MAP3K13: variants seen among roughly 807,000 people sequenced by gnomAD.
MAP3K13 encodes leucine zipper-bearing kinase.
A neutral mutation model predicts 104.0 loss-of-function variants in MAP3K13; 52 were observed. The observed-to-expected ratio is 0.50, with a 90% CI of 0.40 to 0.63. The LOEUF is 0.63. Among genes scored for constraint, MAP3K13 ranks in the 20% least tolerant of loss-of-function variants. MAP3K13 has a pLI of 0.00. For missense variants in MAP3K13, 914 were observed against 1,218.5 expected (o/e 0.75, Z 3.72); for synonymous variants, 394 against 442.2 (o/e 0.89, Z 1.37).
intron 2 of MAP3K13, among the ~76,000 whole-genome samples, chr3:185,355,408 A>C (rs1351701158): frequency 1.3e-5 from 2 of 151,766 alleles, no homozygotes; most frequent in Non-Finnish European, 1.5e-5. Context: ...CGGAGGTTGC[A>C]GTGAGCCAAG....
At chr3:185,313,468 G>A (rs574577606) in intron 2 of MAP3K13, among the ~76,000 whole-genome samples, 4 of 151,678 alleles carry the variant, frequency 2.6e-5, no homozygotes, top group African/African-American at 9.7e-5. Context: ...ACGGAGTTTC[G>A]CTGTGTTAGC....
In MAP3K13 at chr3:185,483,832, C is replaced by A. The variant is rs947783096; in HGVS notation, c.*1376C>A. The A allele has an allele frequency of 1.3e-5, 2 of 151,826 alleles. No homozygotes were observed. Among genetic ancestry groups the A allele is most frequent in the African/African-American group, 2.5e-5 (1 of 39,826 alleles). The allele number at this position is 151,826 out of a possible 1,614,324, so 9.4% of individuals were successfully genotyped here. ...GGTTCAAGCGATTCTCCTGCCTCAG[C>A]CTCCCGAGTAGCTGGGATTACAGGC... On this transcript the variant is annotated 3_prime_UTR_variant, in exon 14 of 14. Coordinates refer to ENST00000265026, the MANE Select transcript of MAP3K13 (RefSeq NM_004721.5).
At chr3:185,407,869 A>ATTTTTTTTTTTTTTT (rs35693572) in intron 1 of MAP3K13, among the ~76,000 whole-genome samples, 1 of 69,096 alleles carries the variant, frequency 1.4e-5, no homozygotes, top group Non-Finnish European at 2.7e-5. Flanking sequence ...AATTTTGAGA[A>ATTTTTTTTTTTTTTT]TTTTTTTTTT....
chr3:185,416,641 A>AT (rs913622210), intron 1 of MAP3K13, among the ~76,000 whole-genome samples: 1 of 152,152 alleles, frequency 6.6e-6, no homozygotes, highest in Non-Finnish European at 1.5e-5. Context: ...TAATAGCACT[A>AT]TTTTTTTGAG....
At chr3:185,378,821 T>TTATC (rs1724565112) in intron 1 of MAP3K13, among the ~76,000 whole-genome samples, 1 of 152,096 alleles carries the variant, frequency 6.6e-6, no homozygotes, top group South Asian at 2.1e-4. Context: ...TTGACAAAAA[T>TTATC]TATCTAGGTC....
intron 1 of MAP3K13, among the ~76,000 whole-genome samples, chr3:185,427,188 A>G (rs1329645546): frequency 7.0e-6 from 1 of 142,926 alleles, no homozygotes; most frequent in African/African-American, 2.6e-5. Context: ...TCCCGTCTCT[A>G]CTAAAAATAC....
At chr3:185,393,596 C>G (rs1368582762) in intron 1 of MAP3K13, among the ~76,000 whole-genome samples, 1 of 151,864 alleles carries the variant, frequency 6.6e-6, no homozygotes, top group Non-Finnish European at 1.5e-5. Flanking sequence ...GTAGCTGGGA[C>G]TACAGGTGCC....
At chr3:185,458,396 T>C (rs1368405797) in intron 7 of MAP3K13, among the ~76,000 whole-genome samples, 1 of 151,118 alleles carries the variant, frequency 6.6e-6, no homozygotes, top group Non-Finnish European at 1.5e-5. Flanking sequence ...GATGTCATTA[T>C]GTCATTATTC....
intron 2 of MAP3K13, among the ~76,000 whole-genome samples, chr3:185,298,987 C>A (rs1001344255): frequency 1.5e-4 from 23 of 152,172 alleles, no homozygotes; most frequent in Admixed American, 7.2e-4. Flanking sequence ...AATCACAATT[C>A]TTTTTCGCTC....
rs75246526 is a variant in MAP3K13, at chr3:185,311,529, A to G, written c.-86+25886A>G. 2.6e-5 allele frequency among the ~76,000 whole-genome samples: 4 copies of G among 152,230 alleles called. No individual in the cohort carries two copies. In the East Asian group the frequency reaches 5.8e-4, roughly 22 times the overall value. On this transcript the variant is annotated intron_variant, in intron 2 of 14. Coordinates refer to the MAP3K13 transcript ENST00000424227. Reference sequence around the variant, plus strand: ...ACACAGCCAAACCATATCATCCTGTAATCTCATGTGTCTACCATAAGCCCC... The same window carrying G: ...ACACAGCCAAACCATATCATCCTGTGATCTCATGTGTCTACCATAAGCCCC...
intron 2 of MAP3K13, among the ~76,000 whole-genome samples, chr3:185,332,069 G>C (rs541418837): frequency 7.8e-4 from 119 of 152,144 alleles, no homozygotes; most frequent in Admixed American, 1.6e-3. Context: ...TCTTCCTATT[G>C]TAAACAATGC....
chr3:185,454,950 T>C (rs1197947220), intron 7 of MAP3K13, among the ~76,000 whole-genome samples: 1 of 114,228 alleles, frequency 8.8e-6, no homozygotes, highest in East Asian at 2.3e-4. Context: ...ATGAGATATA[T>C]ATGATATATA....
intron 2 of MAP3K13, chr3:185,328,878 G>A: frequency 4.1e-6 from 1 of 246,752 alleles, no homozygotes; most frequent in South Asian, 6.9e-5. Flanking sequence ...GAAACAGCCA[G>A]GAAGGGAGCA....
chr3:185,437,641 G>T lies in MAP3K13; in HGVS notation c.659+11G>T. 1.4e-6 allele frequency: 2 copies of T among 1,407,546 alleles called. No homozygotes were observed. The highest frequency in any genetic ancestry group is 1.3e-5 in the South Asian group (1 of 76,950). The allele number at this position is 1,407,546 out of a possible 1,614,324, so 87.2% of individuals were successfully genotyped here. A position where few individuals can be genotyped will look rare whatever the true frequency, so the allele number is the denominator to read the frequency against. On this transcript the variant is annotated intron_variant, in intron 3 of 13. Coordinates refer to ENST00000265026, the MANE Select transcript of MAP3K13 (RefSeq NM_004721.5). The stretch of plus-strand genomic sequence containing the variant: ...CATCATCGCATTCAAGTAGGTCAAG[G>T]CTTTTTTTTTTTAAGAAGTAGACCT...
chr3:185,374,706 C>T (rs879878005), intron 1 of MAP3K13, among the ~76,000 whole-genome samples: 15 of 151,560 alleles, frequency 9.9e-5, no homozygotes, highest in Non-Finnish European at 1.6e-4. Flanking sequence ...ATATACCAGG[C>T]CAGATTGATT....
At position 185,455,502 on chromosome 3, in the gene MAP3K13, GAT is replaced by G. The variant is rs1187596606; in HGVS notation, c.1278+4114_1278+4115del. On this transcript the variant is annotated intron_variant, in intron 7 of 13. Transcript: ENST00000265026. ...TGATATATATGAGATATATACATGA[GAT>G]ATATATGAGATATATATGATATATA... is the stretch of plus-strand genomic sequence containing the variant. 1.4e-4 allele frequency among the ~76,000 whole-genome samples: 9 copies of G among 64,782 alleles called. 1 individual carries two copies. Among genetic ancestry groups the G allele is most frequent in the East Asian group, 1.2e-3 (3 of 2,532 alleles). 42.5% of individuals were successfully genotyped at this position (64,782 alleles called of 152,430 possible).
chr3:185,401,919 G>A (rs1712838277), intron 1 of MAP3K13, among the ~76,000 whole-genome samples: 1 of 152,102 alleles, frequency 6.6e-6, no homozygotes, highest in Non-Finnish European at 1.5e-5. Flanking sequence ...TGGAAACCCG[G>A]ATTATTTGCA....
chr3:185,433,892 T>C (rs760215218), intron 2 of MAP3K13, among the ~76,000 whole-genome samples: 3 of 152,188 alleles, frequency 2.0e-5, no homozygotes, highest in Non-Finnish European at 2.9e-5. Flanking sequence ...CTAAAAAACA[T>C]AGTGAGTTAC....
chr3:185,398,527 A>G (rs1030258260), intron 1 of MAP3K13, among the ~76,000 whole-genome samples: 1 of 152,156 alleles, frequency 6.6e-6, no homozygotes, highest in African/African-American at 2.4e-5. Flanking sequence ...AGATATTACC[A>G]TATCCCCTAC....
Sources: gnomAD v4.1 joint callset for allele counts (sites outside exome capture counted in the v4.1 genomes callset) on GRCh38, gnomAD v4.1.1 for gene constraint, MANE v1.5 for transcripts, NCBI Gene and HGNC (gene_info 2026-07-23, HGNC 2026-07-21) for gene names.